The following ARHGAP26 variants were observed in gnomAD, a reference collection of about 807,000 sequenced individuals.
ARHGAP26 encodes rho GTPase-activating protein 26.
A neutral mutation model predicts 104.8 loss-of-function variants in ARHGAP26; 38 were observed. The ratio of observed to expected loss-of-function variants is 0.36; its 90% confidence interval spans 0.28 to 0.48. The LOEUF is 0.48. Ranked by LOEUF, ARHGAP26 falls within the 20% of genes least tolerant of loss-of-function variation. The pLI, the probability that ARHGAP26 is intolerant of heterozygous loss-of-function variation, is 0.99. For missense variants in ARHGAP26, 704 were observed against 947.9 expected (o/e 0.74, Z 3.38); for synonymous variants, 341 against 340.0 (o/e 1.00, Z -0.03).
chr5:142,966,316 A>G (rs1021518730), intron 11 of ARHGAP26, among the ~76,000 whole-genome samples: 2 of 152,174 alleles, frequency 1.3e-5, no homozygotes, highest in African/African-American at 2.4e-5. Context: ...CTGCTCCCCA[A>G]TAGGGTTCAA....
chr5:143,054,549 G>A (rs768857383), intron 15 of ARHGAP26, 23 bp downstream of exon 15: 6 of 1,533,526 alleles, frequency 3.9e-6, no homozygotes, highest in Non-Finnish European at 5.4e-6. Flanking sequence ...CATTTGCAAG[G>A]CAGAGTGCCA....
intron 17 of ARHGAP26, among the ~76,000 whole-genome samples, chr5:143,108,962 C>A (rs552455730): frequency 3.4e-4 from 52 of 152,360 alleles, no homozygotes; most frequent in African/African-American, 1.0e-3. Flanking sequence ...AAGGGCCAGT[C>A]CCTTAACCTT....
chr5:142,911,801 T>G (rs907792070), intron 9 of ARHGAP26, among the ~76,000 whole-genome samples: 1 of 152,244 alleles, frequency 6.6e-6, no homozygotes, highest in African/African-American at 2.4e-5. Flanking sequence ...ATCAGCAAAG[T>G]CAGAATCTCT....
At chr5:142,977,818 G>C (rs936627457) in intron 11 of ARHGAP26, among the ~76,000 whole-genome samples, 1 of 152,228 alleles carries the variant, frequency 6.6e-6, no homozygotes, top group Non-Finnish European at 1.5e-5. Flanking sequence ...ATGCGCCAGG[G>C]TGTAAGTTGT....
chr5:143,142,134 C>CTTTTTTTTTTTTTTTTTTTT (rs762332039), intron 19 of ARHGAP26, among the ~76,000 whole-genome samples: 2 of 105,348 alleles, frequency 1.9e-5, no homozygotes, highest in East Asian at 3.1e-4. Flanking sequence ...CTACTTTTCA[C>CTTTTTTTTTTTTTTTTTTTT]TTTTTTTTTT....
chr5:142,826,952 A>G (rs1350195673), intron 1 of ARHGAP26, among the ~76,000 whole-genome samples: 2 of 152,134 alleles, frequency 1.3e-5, no homozygotes, highest in Non-Finnish European at 2.9e-5. Flanking sequence ...CTTCATTGAT[A>G]TAATTTTGAG....
intron 1 of ARHGAP26, among the ~76,000 whole-genome samples, chr5:142,844,471 G>A (rs1268353112): frequency 1.3e-5 from 2 of 151,792 alleles, no homozygotes; most frequent in African/African-American, 4.8e-5. Flanking sequence ...GAAAGTTCAG[G>A]ACAATTTCCC....
intron 11 of ARHGAP26, among the ~76,000 whole-genome samples, chr5:143,007,110 G>T (rs116660451): frequency 0.025 from 3,691 of 148,850 alleles, 62 homozygotes; most frequent in Middle Eastern, 0.051. Context: ...CAGGTGAATC[G>T]CTTGAACCCA....
At chr5:142,809,310 T>C (rs186492559) in intron 1 of ARHGAP26, among the ~76,000 whole-genome samples, 1 of 152,296 alleles carries the variant, frequency 6.6e-6, no homozygotes, top group Non-Finnish European at 1.5e-5. Flanking sequence ...GAAAAAAATA[T>C]AGGTCTACTG....
At chr5:143,014,337 G>T in intron 12 of ARHGAP26, 1 of 592,278 alleles carries the variant, frequency 1.7e-6, no homozygotes, top group South Asian at 2.0e-5. Flanking sequence ...GTGACACCTT[G>T]CATTGAAATA....
chr5:143,214,113 G>T, intron 22 of ARHGAP26, 25 bp downstream of exon 22: 1 of 404,670 alleles, frequency 2.5e-6, no homozygotes, highest in South Asian at 2.1e-5. Flanking sequence ...CCCTCACAAA[G>T]ATATGGGCGG....
intron 17 of ARHGAP26, among the ~76,000 whole-genome samples, chr5:143,062,753 AAAAG>A (rs1786914120): frequency 6.6e-6 from 1 of 152,210 alleles, no homozygotes; most frequent in African/African-American, 2.4e-5. Context: ...GGTTCAAAAT[AAAAG>A]AAAGTGAACA....
rs1342997728 is a variant in ARHGAP26, at chr5:142,871,685, C to G, written c.155-1715C>G. On this transcript the variant is annotated intron_variant, in intron 1 of 22. Coordinates refer to ENST00000645722, the MANE Select transcript of ARHGAP26 (RefSeq NM_001135608.3). This position sits in a 1 kb window ranked among gnomAD's most constrained non-coding sequence, Gnocchi z 4.1. ...CTCCTGCCTTCCTGCCCACGGTGTT[C>G]TGGCTTTTGGGTGCATCTGTTTCCT... 2.0e-5 allele frequency among the ~76,000 whole-genome samples: 3 copies of G among 152,174 alleles called. 1 individual carries two copies. Among genetic ancestry groups the G allele is most frequent in the Non-Finnish European group, 4.4e-5 (3 of 68,028 alleles).
At chr5:142,944,144 G>A (rs996030499) in intron 11 of ARHGAP26, among the ~76,000 whole-genome samples, 3 of 152,202 alleles carry the variant, frequency 2.0e-5, no homozygotes, top group Admixed American at 2.0e-4. Flanking sequence ...CCTCTCTAGA[G>A]TTAAAAGTGT....
chr5:142,781,261 C>T (rs1360672498), intron 1 of ARHGAP26, among the ~76,000 whole-genome samples: 1 of 152,162 alleles, frequency 6.6e-6, no homozygotes, highest in Non-Finnish European at 1.5e-5. Flanking sequence ...CACCTCACCA[C>T]CCTTTATTTA....
chr5:142,914,764 A>G (rs1306443948), intron 10 of ARHGAP26, among the ~76,000 whole-genome samples: 1 of 152,100 alleles, frequency 6.6e-6, no homozygotes, highest in Non-Finnish European at 1.5e-5. Flanking sequence ...CCCAAACCAA[A>G]TTTTGTTATT....
chr5:143,093,540 CTCTT>C (rs1334513551), intron 17 of ARHGAP26, among the ~76,000 whole-genome samples: 1 of 152,058 alleles, frequency 6.6e-6, no homozygotes, highest in Non-Finnish European at 1.5e-5. Context: ...GTCTCTTTCT[CTCTT>C]TGACTCCCTC....
chr5:142,950,933 A>G (rs539748618), intron 11 of ARHGAP26, among the ~76,000 whole-genome samples: 2 of 152,260 alleles, frequency 1.3e-5, no homozygotes, highest in East Asian at 3.9e-4. Context: ...ATCTTTGAGA[A>G]GTGAGAATAA....
Position 142,971,948 on chromosome 5 carries a change from G to A in ARHGAP26, c.1107+39823G>A, listed in dbSNP as rs559510939. Reference sequence around the variant, plus strand: ...TATAATCCCAGCATTTTGGGAGGTCGAGGCGGGCAGATCAGTTGAGGTCAG... The same window carrying A: ...TATAATCCCAGCATTTTGGGAGGTCAAGGCGGGCAGATCAGTTGAGGTCAG... On this transcript the variant is annotated intron_variant, in intron 11 of 22. Transcript: ENST00000645722. 5.9e-5 allele frequency among the ~76,000 whole-genome samples: 9 copies of A among 152,260 alleles called. No homozygotes were observed. The East Asian group carries it at 1.2e-3, about 20-fold the overall frequency.
Sources: gnomAD v4.1 joint callset for allele counts (sites outside exome capture counted in the v4.1 genomes callset) on GRCh38, gnomAD v4.1.1 for gene constraint, Gnocchi (gnomAD v3.1) non-coding constraint, MANE v1.5 for transcripts, NCBI Gene and HGNC (gene_info 2026-07-23, HGNC 2026-07-21) for gene names.